The following FBN3 variants were observed in gnomAD, a reference collection of about 807,000 sequenced individuals.
The protein encoded by FBN3 is fibrillin 3.
Under a neutral mutation model 330.1 loss-of-function variants are expected in FBN3, and 234 were observed. That is an observed-to-expected ratio of 0.71 (90% confidence interval 0.64 to 0.79). The LOEUF (loss-of-function observed/expected upper bound fraction) is 0.79. Ranked by LOEUF, FBN3 falls within the 30% of genes least tolerant of loss-of-function variation. FBN3 has a pLI of 0.00. For missense variants in FBN3, 3,606 were observed against 3,886.9 expected, an observed-to-expected ratio of 0.93 and a Z score of 1.92; for synonymous variants, 1,458 against 1,517.3, an observed-to-expected ratio of 0.96 and a Z score of 0.91.
chr19:8,144,098 G>GC (rs999292114), intron 6 of FBN3, among the ~76,000 whole-genome samples: 1 of 151,918 alleles, frequency 6.6e-6, no homozygotes, highest in Non-Finnish European at 1.5e-5. Context: ...ACCTATCTTA[G>GC]CCGTCTTAAA....
At chr19:8,077,831 C>T (rs112715018) in intron 59 of FBN3, among the ~76,000 whole-genome samples, 62 of 152,160 alleles carry the variant, frequency 4.1e-4, no homozygotes, top group African/African-American at 1.4e-3. Flanking sequence ...AATCCCAGCA[C>T]TTTGGAAGGC....
Position 8,097,018 on chromosome 19 carries a change from C to T in FBN3, c.5288-12G>A. ...ACACTCATCGACATCTGGGAAAATA[C>T]AGCAAATGAGGTGGGGGTGACAGAG... On this transcript the variant is annotated splice_polypyrimidine_tract_variant and intron_variant, in intron 42 of 63. Coordinates refer to ENST00000600128, the MANE Select transcript of FBN3 (RefSeq NM_032447.5). The T allele has an allele frequency of 6.2e-7, 1 of 1,610,936 alleles. No homozygotes were observed. Among genetic ancestry groups the T allele is most frequent in the African/African-American group, 1.3e-5 (1 of 75,022 alleles).
rs1162201933 is a variant in FBN3 at position 8,085,352 on chromosome 19, T to C, written c.7087+11A>G. Reference sequence around the variant, plus strand: ...TGCCTCCCTGGGGGTCCTGAGGGCATGGGCACCCACCTCGGCCCTCAGCAG... The same window carrying C: ...TGCCTCCCTGGGGGTCCTGAGGGCACGGGCACCCACCTCGGCCCTCAGCAG... On this transcript the variant is annotated intron_variant, in intron 56 of 63. Transcript: ENST00000600128. 1 of 1,562,208 alleles carries C rather than the reference T, an allele frequency of 6.4e-7. No individual in the cohort carries two copies. Among genetic ancestry groups the C allele is most frequent in the Non-Finnish European group, 8.6e-7 (1 of 1,157,214 alleles).
In FBN3 at chr19:8,123,844, A is replaced by G. The variant is rs754488715; in HGVS notation, c.2896T>C (p.Cys966Arg). 6.2e-7 allele frequency: 1 copy of G among 1,612,692 alleles called. No homozygotes were observed. The highest frequency in any genetic ancestry group is 1.3e-5 in the African/African-American group (1 of 74,908). Reference sequence around the variant, plus strand: ...CTGGCGAAGCCCAGCCCCCGCGGGCACAGGCTGGCGAACTCCAGAGACTCG... The same window carrying G: ...CTGGCGAAGCCCAGCCCCCGCGGGCGCAGGCTGGCGAACTCCAGAGACTCG... ...DPESLEFASL[C>R]PRGLGFASRD... Residue 966 changes from cysteine to arginine, a missense_variant, in exon 23 of 64, where the codon TGC becomes CGC. Coordinates refer to ENST00000600128, the MANE Select transcript of FBN3 (RefSeq NM_032447.5).
chr19:8,091,378 C>A, intron 48 of FBN3, 87 bp downstream of exon 48: 2 of 1,535,462 alleles, frequency 1.3e-6, no homozygotes, highest in Non-Finnish European at 1.8e-6. Context: ...AAGGGTCACA[C>A]AAGAAACCAC....
chr19:8,106,273 C>G (rs2082437138), intron 37 of FBN3, 40 bp from the exon 38 acceptor site: 1 of 1,612,592 alleles, frequency 6.2e-7, no homozygotes. Flanking sequence ...GAGCTAAACC[C>G]ATGCAGAGGA....
At chr19:8,119,922 A>T (rs2082801529) in intron 25 of FBN3, among the ~76,000 whole-genome samples, 1 of 143,078 alleles carries the variant, frequency 7.0e-6, no homozygotes, top group South Asian at 2.2e-4. Context: ...CTGTGTTCAA[A>T]CTATCCTCCC....
chr19:8,068,745 A>T (rs1483780676), intron 63 of FBN3, among the ~76,000 whole-genome samples: 1 of 152,032 alleles, frequency 6.6e-6, no homozygotes, highest in African/African-American at 2.4e-5. Flanking sequence ...ATAAAAAAAT[A>T]AAGTGGAGGA....
In FBN3 at chr19:8,089,635, T is replaced by G. The variant is rs45451694; in HGVS notation, c.6286A>C (p.Thr2096Pro). 1,194 of 1,614,196 alleles carry G rather than the reference T, an allele frequency of 7.4e-4. 1 individual carries two copies. The highest frequency in any genetic ancestry group is 1.6e-3 in the South Asian group (149 of 91,078). Residue 2096 changes from threonine (T) to proline (P), a missense_variant, in exon 51 of 64, where the codon ACT becomes CCT. By Grantham distance (38) the Thr-to-Pro change is conservative. Coordinates refer to ENST00000600128, the MANE Select transcript of FBN3 (RefSeq NM_032447.5). The part of the protein sequence containing the change: ...NECAENPGVC[T>P]NGVCVNTDGS... ...TCGGTGTTGACACAGACGCCGTTAG[T>G]GCAGACGCCAGGGTTCTCTGCACAC...
In FBN3 at chr19:8,072,081, G is replaced by C. The variant is rs2081526887; in HGVS notation, c.8055C>G (p.Asp2685Glu). 16 of 1,612,622 alleles carry C rather than the reference G, an allele frequency of 9.9e-6. No homozygotes were observed. Among genetic ancestry groups the C allele is most frequent in the Non-Finnish European group, 1.3e-5 (15 of 1,179,728 alleles). The change falls in exon 63 of 64, where the codon GAC becomes GAG. Residue 2685 changes from aspartate to glutamate, a missense_variant. Coordinates refer to ENST00000600128, the MANE Select transcript of FBN3 (RefSeq NM_032447.5). Reference protein sequence around the residue: ...ECKINGLSPRDRPRRSAHRDH... With the variant: ...ECKINGLSPRERPRRSAHRDH... ...CCCTGTGGGCACTGCGTCGTGGCCG[G>C]TCCCGAGGGGAGAGGCCATTGATCT...
intron 61 of FBN3, 88 bp from the exon 62 acceptor site, chr19:8,073,385 G>A: frequency 2.7e-6 from 3 of 1,096,120 alleles, no homozygotes; most frequent in Non-Finnish European, 4.0e-6. Context: ...CTGGAATGCT[G>A]TATGTTCAGA....
chr19:8,104,444 C>G (rs2082395684), intron 38 of FBN3, among the ~76,000 whole-genome samples: 2 of 151,008 alleles, frequency 1.3e-5, no homozygotes, highest in South Asian at 4.2e-4. Context: ...GCACTCCAGC[C>G]TGGACAACAG....
chr19:8,086,313 C>T lies in FBN3; in HGVS notation c.6767G>A (p.Cys2256Tyr). 6.2e-7 allele frequency: 1 copy of T among 1,604,510 alleles called. No individual in the cohort carries two copies. Among genetic ancestry groups the T allele is most frequent in the Non-Finnish European group, 8.5e-7 (1 of 1,173,984 alleles). The change falls in exon 55 of 64, where the codon TGC becomes TAC. Residue 2256 changes from cysteine (C) to tyrosine (Y), a missense_variant. By Grantham distance (194) the Cys-to-Tyr change is radical (BLOSUM62 -2). Transcript: ENST00000600128. ...SGEGCTDDNE[C>Y]HAQPDLCVNG... Reference sequence around the variant, plus strand: ...GACACAGAGGTCAGGCTGAGCGTGGCATTCATTGTCATCTGAGATGGGAGG... The same window carrying T: ...GACACAGAGGTCAGGCTGAGCGTGGTATTCATTGTCATCTGAGATGGGAGG...
At position 8,121,310 on chromosome 19, in the gene FBN3, G is replaced by A. The variant is rs746106373; in HGVS notation, c.3159C>T (p.Cys1053=). The change falls in exon 25 of 64, where the codon TGC becomes TGT. Residue 1053 remains cysteine (C), a synonymous_variant. Coordinates refer to ENST00000600128, the MANE Select transcript of FBN3 (RefSeq NM_032447.5). This position sits in a 1 kb window ranked among gnomAD's most constrained non-coding sequence, Gnocchi z 4.5. ...CACTCTCGTAGCCGGGAAAACACTCGCACTCAAAGCTGCCCGGCGTGTTGA... is the reference window on the plus strand; with the variant it reads ...CACTCTCGTAGCCGGGAAAACACTCACACTCAAAGCTGCCCGGCGTGTTGA... The part of the protein sequence containing the change: ...TCVNTPGSFE[C]ECFPGYESGF... 7.4e-5 allele frequency: 119 copies of A among 1,613,118 alleles called. No individual in the cohort carries two copies. The highest frequency in any genetic ancestry group is 1.0e-4 in the Non-Finnish European group (118 of 1,179,540).
intron 38 of FBN3, 61 bp from the exon 39 acceptor site, chr19:8,103,748 C>T: frequency 6.4e-7 from 1 of 1,564,132 alleles, no homozygotes; most frequent in Non-Finnish European, 8.7e-7. Context: ...GTCTGAATAA[C>T]TCCACTCCAG....
At position 8,131,735 on chromosome 19, in the gene FBN3, C is replaced by T. The variant is rs1316771496; in HGVS notation, c.1809G>A (p.Ala603=). 5.6e-6 allele frequency: 9 copies of T among 1,613,684 alleles called. No individual in the cohort carries two copies. Among genetic ancestry groups the T allele is most frequent in the East Asian group, 2.2e-5 (1 of 44,862 alleles). ...SFRCQCLGGL[A]VGTDGRVCVD... is the part of the protein sequence containing the mutation. ...CGCACACGCGGCCATCCGTGCCTACCGCCAGCCCCCCCAGGCACTGGCAGC... is the reference window on the plus strand; with the variant it reads ...CGCACACGCGGCCATCCGTGCCTACTGCCAGCCCCCCCAGGCACTGGCAGC... Residue 603 remains alanine, a synonymous_variant, in exon 15 of 64, where the codon GCG becomes GCA. Transcript: ENST00000600128. This position sits in a 1 kb window ranked among gnomAD's most constrained non-coding sequence, Gnocchi z 4.5.
chr19:8,082,303 T>C (rs528631258), intron 57 of FBN3, among the ~76,000 whole-genome samples: 1 of 121,488 alleles, frequency 8.2e-6, no homozygotes, highest in Non-Finnish European at 1.8e-5. Flanking sequence ...CTTTCTCTCT[T>C]TCTCCCTTTC....
intron 36 of FBN3, among the ~76,000 whole-genome samples, 183 bp from the exon 37 acceptor site, chr19:8,108,421 C>A (rs1271176943): frequency 6.6e-6 from 1 of 152,074 alleles, no homozygotes; most frequent in African/African-American, 2.4e-5. Context: ...AGTCCTGGGG[C>A]TGCTTGCGTG....
chr19:8,145,907 C>G lies in FBN3; in HGVS notation c.381G>C (p.Gly127=). The change falls in exon 5 of 64, where the codon GGG becomes GGC. Residue 127 remains glycine, a synonymous_variant. Coordinates refer to ENST00000600128, the MANE Select transcript of FBN3 (RefSeq NM_032447.5). ...GACAGGACGCCCCCCGGCAGGTGCC[C>G]CCATTCATACAGCTCACACTGCACC... ...GSGCSVSCMN[G]GTCRGASCLC... is the part of the protein sequence containing the mutation. The G allele has an allele frequency of 6.4e-7, 1 of 1,551,272 alleles. No individual in the cohort carries two copies. Among genetic ancestry groups the G allele is most frequent in the Admixed American group, 2.0e-5 (1 of 50,992 alleles).
Sources: gnomAD v4.1 joint callset for allele counts (sites outside exome capture counted in the v4.1 genomes callset) on GRCh38, gnomAD v4.1.1 for gene constraint, Gnocchi (gnomAD v3.1) non-coding constraint, MANE v1.5 for transcripts, NCBI Gene and HGNC (gene_info 2026-07-23, HGNC 2026-07-21) for gene names.